PREP: variants seen among roughly 807,000 people sequenced by gnomAD.
The protein encoded by PREP is dJ355L5.1 (prolyl endopeptidase).
In PREP, 29 loss-of-function variants were observed where a neutral mutation model predicts 87.6. That is an observed-to-expected ratio of 0.33 (90% CI 0.25 to 0.45). PREP has a LOEUF of 0.45. Among genes scored for constraint, PREP ranks in the 20% least tolerant of loss-of-function variants. The pLI is 1.00. For missense variants in PREP, 695 were observed against 886.5 expected (o/e 0.78, Z 2.74); for synonymous variants, 337 against 328.6 (o/e 1.03, Z -0.28).
chr6:105,365,196 G>A (rs924929504), intron 6 of PREP, among the ~76,000 whole-genome samples: 4 of 152,216 alleles, frequency 2.6e-5, no homozygotes, highest in African/African-American at 4.8e-5. Context: ...GCAGCGAGCC[G>A]AAATCATGCC....
At chr6:105,400,755 AG>A (rs1773407487) in intron 1 of PREP, among the ~76,000 whole-genome samples, 1 of 152,188 alleles carries the variant, frequency 6.6e-6, no homozygotes, top group East Asian at 1.9e-4. Context: ...CTGCCCAAAA[AG>A]GCAGAACTCC....
intron 10 of PREP, among the ~76,000 whole-genome samples, chr6:105,297,755 CCTT>C (rs1211470044): frequency 1.3e-5 from 2 of 152,348 alleles, no homozygotes; most frequent in Non-Finnish European, 2.9e-5. Flanking sequence ...GCCCTGTCTT[CCTT>C]CTTCTTGTCA....
intron 7 of PREP, among the ~76,000 whole-genome samples, chr6:105,341,038 A>T (rs1771633494): frequency 6.6e-6 from 1 of 152,206 alleles, no homozygotes; most frequent in Non-Finnish European, 1.5e-5. Context: ...CACTAAACAG[A>T]CCTAATAGAC....
Position 105,273,991 on chromosome 6 carries a change from G to A in PREP, c.*4153C>T, listed in dbSNP as rs2634854. 0.24 allele frequency among the ~76,000 whole-genome samples: 36,810 copies of A among 152,066 alleles called. 6,533 individuals are homozygous for A. Among genetic ancestry groups the A allele is most frequent in the African/African-American group, 0.51 (21,165 of 41,464 alleles). ...CGACTCAAATAGCATTCCTTCTCACGGACTATTCATTTGCCCCACTTTGTT... is the reference window on the plus strand; with the variant it reads ...CGACTCAAATAGCATTCCTTCTCACAGACTATTCATTTGCCCCACTTTGTT... On this transcript the variant is annotated 3_prime_UTR_variant, in exon 15 of 15. Transcript: ENST00000652536.
chr6:105,326,493 C>T (rs1771163016), intron 9 of PREP, among the ~76,000 whole-genome samples: 1 of 152,196 alleles, frequency 6.6e-6, no homozygotes, highest in South Asian at 2.1e-4. Flanking sequence ...AGCTGGTGTG[C>T]ACCTGCCAGA....
intron 10 of PREP, among the ~76,000 whole-genome samples, chr6:105,304,840 G>A (rs1040680595): frequency 3.3e-5 from 5 of 151,972 alleles, no homozygotes; most frequent in Admixed American, 3.3e-4. Flanking sequence ...ATTAACTCTG[G>A]TTCAGGCACT....
chr6:105,385,568 G>GA (rs1380301814), intron 2 of PREP, among the ~76,000 whole-genome samples: 3 of 152,030 alleles, frequency 2.0e-5, no homozygotes, highest in African/African-American at 4.8e-5. Context: ...AAAATGGGGG[G>GA]AAAAAACCCA....
intron 2 of PREP, among the ~76,000 whole-genome samples, chr6:105,386,533 C>G (rs1249588940): frequency 6.6e-6 from 1 of 152,032 alleles, no homozygotes; most frequent in Non-Finnish European, 1.5e-5. Context: ...TTGTCACATG[C>G]CTTGATTTCC....
At chr6:105,349,898 T>TAAAAAAAAAAAAAAAAAAAAAAAAAAAAA (rs1162063177) in intron 7 of PREP, among the ~76,000 whole-genome samples, 2 of 59,456 alleles carry the variant, frequency 3.4e-5, no homozygotes, top group African/African-American at 1.0e-4. Context: ...GGGAAGCAGG[T>TAAAAAAAAAAAAAAAAAAAAAAAAAAAAA]AAAAAAAAAA....
At chr6:105,319,865 C>A (rs998221373) in intron 10 of PREP, among the ~76,000 whole-genome samples, 6 of 152,198 alleles carry the variant, frequency 3.9e-5, no homozygotes, top group African/African-American at 1.4e-4. Context: ...GTTCTTCAAT[C>A]TTTTCACATC....
chr6:105,350,870 C>G (rs1245217062), intron 7 of PREP, among the ~76,000 whole-genome samples: 1 of 152,198 alleles, frequency 6.6e-6, no homozygotes, highest in African/African-American at 2.4e-5. Flanking sequence ...ACACCTGGAA[C>G]CCAGAAGCTA....
intron 6 of PREP, among the ~76,000 whole-genome samples, chr6:105,361,634 T>C (rs1263952062): frequency 1.3e-5 from 2 of 152,088 alleles, no homozygotes; most frequent in Admixed American, 1.3e-4. Context: ...GGAGTGAAAA[T>C]GGATTTTAAT....
intron 6 of PREP, among the ~76,000 whole-genome samples, chr6:105,357,479 A>G (rs1316101770): frequency 1.3e-5 from 2 of 152,222 alleles, no homozygotes; most frequent in African/African-American, 2.4e-5. Flanking sequence ...TATAACGCCA[A>G]TTAAGTCAGT....
intron 7 of PREP, among the ~76,000 whole-genome samples, chr6:105,341,077 C>T (rs1771634817): frequency 6.6e-6 from 1 of 152,202 alleles, no homozygotes; most frequent in South Asian, 2.1e-4. Flanking sequence ...CCCAAATCAA[C>T]AGAATATAAA....
chr6:105,364,196 C>G (rs1772324037), intron 6 of PREP, among the ~76,000 whole-genome samples: 1 of 152,172 alleles, frequency 6.6e-6, no homozygotes, highest in African/African-American at 2.4e-5. Flanking sequence ...TTCTGGACTG[C>G]AATGAACCTT....
chr6:105,323,006 C>G (rs2114645835), intron 10 of PREP: 1 of 1,303,568 alleles, frequency 7.7e-7, no homozygotes. Context: ...TGATAAACAC[C>G]TGGTGCCCTA....
intron 7 of PREP, among the ~76,000 whole-genome samples, chr6:105,345,174 C>T (rs945640679): frequency 4.9e-4 from 75 of 152,288 alleles, no homozygotes; most frequent in African/African-American, 1.5e-3. Flanking sequence ...TTCATTTTTG[C>T]TACTCACAAG....
At position 105,366,258 on chromosome 6, in the gene PREP, A is replaced by AAAAT. The variant is rs530770291; in HGVS notation, c.717+2641_717+2644dup. Among the ~76,000 whole-genome samples the AAAAT allele has an allele frequency of 9.9e-4, 150 of 152,272 alleles. 1 individual carries two copies. Among genetic ancestry groups the AAAAT allele is most frequent in the African/African-American group, 3.4e-3 (140 of 41,554 alleles). The stretch of plus-strand genomic sequence containing the variant: ...GGCGACAGAGCGAGACTCCATCTCA[A>AAAAT]AAATAAATAAATAAATAAAACATAA... On this transcript the variant is annotated intron_variant, in intron 6 of 14. Coordinates refer to ENST00000652536, the MANE Select transcript of PREP (RefSeq NM_002726.5).
At chr6:105,363,886 C>T (rs866692804) in intron 6 of PREP, among the ~76,000 whole-genome samples, 2 of 152,118 alleles carry the variant, frequency 1.3e-5, no homozygotes, top group Non-Finnish European at 2.9e-5. Flanking sequence ...TTATAACCCA[C>T]ATCAGGGAAC....
Sources: gnomAD v4.1 joint callset for allele counts (sites outside exome capture counted in the v4.1 genomes callset) on GRCh38, gnomAD v4.1.1 for gene constraint, MANE v1.5 for transcripts, NCBI Gene and HGNC (gene_info 2026-07-23, HGNC 2026-07-21) for gene names.